The following ELP3 variants were observed in gnomAD, a reference collection of about 807,000 sequenced individuals.
The protein encoded by ELP3 is elongator acetyltransferase complex subunit 3, also known as elongator complex protein 3.
ELP3 carries 56 observed loss-of-function variants against 74.9 expected under a neutral mutation model. The ratio of observed to expected loss-of-function variants is 0.75; its 90% confidence interval spans 0.60 to 0.93. ELP3 has a LOEUF of 0.93. ELP3 is among the 40% of genes least tolerant of loss of function. The pLI, the probability that ELP3 is intolerant of heterozygous loss-of-function variation, is 0.00. For synonymous variants in ELP3, 222 were observed against 239.8 expected, an observed-to-expected ratio of 0.93 and a Z score of 0.68; for missense variants, 573 against 686.5, an observed-to-expected ratio of 0.83 and a Z score of 1.85.
At chr8:28,134,113 C>T (rs1324256126) in intron 9 of ELP3, among the ~76,000 whole-genome samples, 2 of 152,146 alleles carry the variant, frequency 1.3e-5, no homozygotes, top group Non-Finnish European at 2.9e-5. Context: ...CTGCCCCCCA[C>T]CCCACGACAG....
At chr8:28,187,259 A>C (rs1482001276) in intron 14 of ELP3, among the ~76,000 whole-genome samples, 1 of 152,130 alleles carries the variant, frequency 6.6e-6, no homozygotes, top group Non-Finnish European at 1.5e-5. Context: ...TCCCACCTGG[A>C]TTATTGTCAT....
At chr8:28,125,835 T>G (rs1400883324) in intron 7 of ELP3, among the ~76,000 whole-genome samples, 1 of 148,704 alleles carries the variant, frequency 6.7e-6, no homozygotes, top group African/African-American at 2.5e-5. Context: ...GGACAGGAAC[T>G]ATTATATTTT....
At position 28,155,846 on chromosome 8, in the gene ELP3, A is replaced by T. The variant is rs1813805115; in HGVS notation, c.1101-96A>T. On this transcript the variant is annotated intron_variant, in intron 10 of 14. Transcript: ENST00000256398. ...AGCTTCATAGGTTTTTTGCTTTTTT[A>T]TTTTTGTTCTTTTTAACTTTTTTAA... 8 of 1,060,102 alleles carry T rather than the reference A, an allele frequency of 7.5e-6. No individual in the cohort carries two copies. The Admixed American group carries it at 9.9e-5, about 13-fold the overall frequency. 65.7% of individuals were successfully genotyped at this position (1,060,102 alleles called of 1,614,324 possible).
intron 3 of ELP3, among the ~76,000 whole-genome samples, chr8:28,101,229 A>G (rs977322586): frequency 8.5e-5 from 13 of 152,168 alleles, no homozygotes; most frequent in African/African-American, 3.1e-4. Context: ...CCTGGCTAAC[A>G]CGACGAAAGC....
chr8:28,145,620 C>T (rs371193932), intron 10 of ELP3, among the ~76,000 whole-genome samples: 1 of 128,266 alleles, frequency 7.8e-6, no homozygotes, highest in Non-Finnish European at 1.6e-5. Context: ...TGGAGAAGGA[C>T]CTTTTTTTTG....
At chr8:28,093,036 T>C (rs2130327079), upstream of ELP3, 1 of 999,888 alleles carries the variant, frequency 1.0e-6, no homozygotes, top group Non-Finnish European at 1.5e-6. Flanking sequence ...TGCTACCCTG[T>C]TAGTTGCAAC....
At chr8:28,161,865 C>T (rs1814106038) in intron 13 of ELP3, 132 bp from the exon 14 acceptor site, 1 of 727,874 alleles carries the variant, frequency 1.4e-6, no homozygotes, top group Admixed American at 2.7e-5. Flanking sequence ...TTTCCTTACT[C>T]CCATAAGTGG....
At chr8:28,146,026 C>G (rs1813418341) in intron 10 of ELP3, among the ~76,000 whole-genome samples, 1 of 152,204 alleles carries the variant, frequency 6.6e-6, no homozygotes, top group Non-Finnish European at 1.5e-5. Flanking sequence ...CTGTATTTTA[C>G]TGATAGATTA....
At chr8:28,154,057 A>G (rs551370127) in intron 10 of ELP3, among the ~76,000 whole-genome samples, 25 of 152,226 alleles carry the variant, frequency 1.6e-4, no homozygotes, top group Non-Finnish European at 3.4e-4. Context: ...CCTAAATGCA[A>G]GAAGGCTGTT....
intron 3 of ELP3, among the ~76,000 whole-genome samples, chr8:28,101,605 T>TC (rs397817188): frequency 6.6e-6 from 1 of 151,618 alleles, no homozygotes; most frequent in African/African-American, 2.4e-5. Context: ...TTTTTTTTTT[T>TC]ACCTGAGACA....
At chr8:28,122,356 T>C (rs922658102) in intron 7 of ELP3, among the ~76,000 whole-genome samples, 1 of 152,230 alleles carries the variant, frequency 6.6e-6, no homozygotes, top group Non-Finnish European at 1.5e-5. Context: ...TTTCTGAAAG[T>C]GTTCATGTAA....
intron 7 of ELP3, among the ~76,000 whole-genome samples, chr8:28,128,657 C>T (rs1035057155): frequency 1.3e-5 from 2 of 152,190 alleles, no homozygotes; most frequent in African/African-American, 4.8e-5. Context: ...TACTCCCTTT[C>T]AGCTTCAGTT....
intron 10 of ELP3, among the ~76,000 whole-genome samples, chr8:28,150,305 T>C (rs10113328): frequency 0.016 from 2,477 of 152,304 alleles, 70 homozygotes; most frequent in African/African-American, 0.055. Flanking sequence ...TTGTTCAACA[T>C]TTCTCTTTAT....
intron 14 of ELP3, among the ~76,000 whole-genome samples, chr8:28,183,901 G>A (rs1303128763): frequency 1.3e-5 from 2 of 152,216 alleles, no homozygotes; most frequent in African/African-American, 2.4e-5. Context: ...AGGCAGAGCA[G>A]TTAGGCTGAG....
intron 14 of ELP3, among the ~76,000 whole-genome samples, chr8:28,174,977 C>T (rs1238844645): frequency 1.3e-5 from 2 of 152,146 alleles, no homozygotes; most frequent in African/African-American, 4.8e-5. Flanking sequence ...CATCCCATTG[C>T]CTTCTGACCT....
At chr8:28,097,051 C>T (rs1048302401) in intron 1 of ELP3, among the ~76,000 whole-genome samples, 168 bp from the exon 2 acceptor site, 5 of 152,138 alleles carry the variant, frequency 3.3e-5, no homozygotes, top group Non-Finnish European at 7.4e-5. Context: ...TTTAAAGATA[C>T]AAAAGATATG....
chr8:28,159,793 A>G (rs1026275243), intron 12 of ELP3, among the ~76,000 whole-genome samples: 3 of 152,224 alleles, frequency 2.0e-5, no homozygotes, highest in African/African-American at 7.2e-5. Context: ...CCCCAAAGAT[A>G]GGTTTCAGTG....
At chr8:28,142,225 C>T (rs891045805) in intron 10 of ELP3, among the ~76,000 whole-genome samples, 1 of 152,114 alleles carries the variant, frequency 6.6e-6, no homozygotes, top group African/African-American at 2.4e-5. Context: ...ACCGAAAGGT[C>T]ATATGATAAG....
chr8:28,090,482 G>GGTGTGTGT (rs34145175), upstream of ELP3: 2,573 of 160,216 alleles, frequency 0.016, 53 homozygotes, highest in African/African-American at 0.043. Context: ...CTGATGGGTG[G>GGTGTGTGT]GTGTGTGTGT....
Sources: allele counts gnomAD v4.1 joint callset (sites outside exome capture counted in the v4.1 genomes callset), GRCh38; gene constraint gnomAD v4.1.1; transcripts MANE v1.5; gene names NCBI Gene and HGNC (gene_info 2026-07-23, HGNC 2026-07-21).